SPAST: variants seen among roughly 807,000 people sequenced by gnomAD.
The protein encoded by SPAST is spastin.
Under a neutral mutation model 76.6 loss-of-function variants are expected in SPAST, and 30 were observed. That is an observed-to-expected ratio of 0.39 (90% CI 0.29 to 0.53). SPAST has a LOEUF of 0.53. Among genes scored for constraint, SPAST ranks in the 20% least tolerant of loss-of-function variants. The pLI, the probability that SPAST is intolerant of heterozygous loss-of-function variation, is 0.68. For synonymous variants in SPAST, 305 were observed against 281.0 expected (o/e 1.09, Z -0.86); for missense variants, 717 against 770.5 (o/e 0.93, Z 0.82).
chr2:32,136,734 A>T, intron 10 of SPAST, 96 bp downstream of exon 10: 1 of 1,307,584 alleles, frequency 7.6e-7, no homozygotes, highest in Non-Finnish European at 1.1e-6. Context: ...CAGAAGGAAG[A>T]AGTTTTAAAG....
intron 12 of SPAST, among the ~76,000 whole-genome samples, chr2:32,140,489 TCACACAC>T (rs1679680224): frequency 6.6e-6 from 1 of 151,940 alleles, no homozygotes; most frequent in Admixed American, 6.6e-5. Context: ...CTGGGTGTGG[TCACACAC>T]ACCTGTAATC....
chr2:32,142,718 C>T (rs1558340446), intron 13 of SPAST, among the ~76,000 whole-genome samples: 2 of 151,896 alleles, frequency 1.3e-5, no homozygotes, highest in South Asian at 2.1e-4. Flanking sequence ...TTTCTAGAAA[C>T]GTAAAGCAGA....
chr2:32,103,627 C>G (rs1678208262), intron 4 of SPAST, among the ~76,000 whole-genome samples: 1 of 152,096 alleles, frequency 6.6e-6, no homozygotes, highest in Non-Finnish European at 1.5e-5. Context: ...TCCCTCTACA[C>G]ACTACTTTAA....
At chr2:32,083,741 T>G (rs6751221) in intron 1 of SPAST, among the ~76,000 whole-genome samples, 1 of 57,142 alleles carries the variant, frequency 1.8e-5, no homozygotes, top group African/African-American at 7.0e-5. Context: ...CTATATATAT[T>G]TATATATACT....
chr2:32,073,235 G>T (rs1351011808), intron 1 of SPAST, among the ~76,000 whole-genome samples: 1 of 152,182 alleles, frequency 6.6e-6, no homozygotes, highest in Non-Finnish European at 1.5e-5. Flanking sequence ...GTTTCGCTGT[G>T]TTGGCCAGGT....
chr2:32,117,841 A>G (rs1358449990), intron 7 of SPAST, among the ~76,000 whole-genome samples: 2 of 152,118 alleles, frequency 1.3e-5, no homozygotes, highest in East Asian at 1.9e-4. Flanking sequence ...ATGAAGAACA[A>G]TTTTTAAAAG....
chr2:32,083,999 C>T (rs930626663), intron 1 of SPAST, among the ~76,000 whole-genome samples: 1 of 149,906 alleles, frequency 6.7e-6, no homozygotes, highest in South Asian at 2.1e-4. Context: ...GGCTGGTCTT[C>T]AACTCCTGAC....
At chr2:32,132,688 G>A (rs373966424) in intron 9 of SPAST, among the ~76,000 whole-genome samples, 14 of 152,048 alleles carry the variant, frequency 9.2e-5, no homozygotes, top group African/African-American at 3.4e-4. Flanking sequence ...TTTTACCTCA[G>A]ATGTGACCTG....
At chr2:32,150,185 G>T (rs1338491860) in intron 16 of SPAST, among the ~76,000 whole-genome samples, 1 of 147,396 alleles carries the variant, frequency 6.8e-6, no homozygotes, top group Non-Finnish European at 1.5e-5. Context: ...TGATTCTCCT[G>T]CCTCAGCCTC....
intron 4 of SPAST, among the ~76,000 whole-genome samples, chr2:32,111,275 GTATA>G (rs879901935): frequency 2.0e-4 from 20 of 100,684 alleles, no homozygotes; most frequent in Non-Finnish European, 2.8e-4. Flanking sequence ...TATATATACA[GTATA>G]CTATATAGTG....
Position 32,154,685 on chromosome 2 carries a change from T to A in SPAST, c.*189T>A. The A allele has an allele frequency of 1.6e-6, 1 of 623,966 alleles. No individual in the cohort carries two copies. The highest frequency in any genetic ancestry group is 2.7e-6 in the Non-Finnish European group (1 of 363,656). The allele number at this position is 623,966 out of a possible 1,614,324, so 38.7% of individuals were successfully genotyped here. On this transcript the variant is annotated 3_prime_UTR_variant, in exon 17 of 17. Coordinates refer to ENST00000315285, the MANE Select transcript of SPAST (RefSeq NM_014946.4). ...CAAAATATACAATGCAAATGTAATT[T>A]TTTGTTGTTTAAGGCCTTGCCTTGA... is the stretch of plus-strand genomic sequence containing the variant.
intron 12 of SPAST, among the ~76,000 whole-genome samples, chr2:32,138,342 CAA>C (rs1470331423): frequency 6.6e-6 from 1 of 152,146 alleles, no homozygotes; most frequent in African/African-American, 2.4e-5. Context: ...AATCTGTAGA[CAA>C]TATGGGATTT....
At chr2:32,080,603 T>A (rs1478023828) in intron 1 of SPAST, among the ~76,000 whole-genome samples, 1 of 147,302 alleles carries the variant, frequency 6.8e-6, no homozygotes, top group East Asian at 2.0e-4. Flanking sequence ...TGGGAGCTAA[T>A]GTTAAAGGAT....
intron 1 of SPAST, among the ~76,000 whole-genome samples, chr2:32,081,445 T>C (rs987795913): frequency 6.6e-6 from 1 of 152,186 alleles, no homozygotes; most frequent in Admixed American, 6.6e-5. Context: ...CAAAATCTTT[T>C]GCCACAGCTT....
intron 7 of SPAST, among the ~76,000 whole-genome samples, chr2:32,121,407 C>T (rs1679013649): frequency 6.6e-6 from 1 of 152,128 alleles, no homozygotes; most frequent in Non-Finnish European, 1.5e-5. Flanking sequence ...TCCCAAAGTG[C>T]TGGGATTAGA....
intron 9 of SPAST, 72 bp downstream of exon 9, chr2:32,128,551 G>A: frequency 1.0e-6 from 1 of 977,882 alleles, no homozygotes; most frequent in Non-Finnish European, 1.6e-6. Flanking sequence ...ACTGTAAATG[G>A]TAATATTTCA....
Position 32,154,235 on chromosome 2 carries a change from CAT to C in SPAST, c.1729-137_1729-136del, listed in dbSNP as rs548191170. 5.4e-3 allele frequency: 3,805 copies of C among 700,106 alleles called. 32 individuals are homozygous for C. Among genetic ancestry groups the C allele is most frequent in the Non-Finnish European group, 5.0e-3 (2,077 of 414,656 alleles). The allele number at this position is 700,106 out of a possible 1,614,324, so 43.4% of individuals were successfully genotyped here. Reference sequence around the variant, plus strand: ...ATAGAAAATATATTTAAATGGCTGACATAATTTTCTAAGAATACATACACGTA... The same window carrying C: ...ATAGAAAATATATTTAAATGGCTGACAATTTTCTAAGAATACATACACGTA... On this transcript the variant is annotated intron_variant, in intron 16 of 16. Coordinates refer to ENST00000315285, the MANE Select transcript of SPAST (RefSeq NM_014946.4).
intron 3 of SPAST, among the ~76,000 whole-genome samples, chr2:32,091,391 G>A (rs890840076): frequency 2.0e-5 from 3 of 150,352 alleles, no homozygotes; most frequent in Non-Finnish European, 3.0e-5. Flanking sequence ...AACTATTCTC[G>A]TGATTCAGTC....
chr2:32,150,289 A>G (rs1427962107), intron 16 of SPAST, among the ~76,000 whole-genome samples: 2 of 124,894 alleles, frequency 1.6e-5, no homozygotes, highest in Non-Finnish European at 3.2e-5. Context: ...ACAGAGTTTC[A>G]CCATGTTGGC....
Sources: gnomAD v4.1 joint callset for allele counts (sites outside exome capture counted in the v4.1 genomes callset) on GRCh38, gnomAD v4.1.1 for gene constraint, MANE v1.5 for transcripts, NCBI Gene and HGNC (gene_info 2026-07-23, HGNC 2026-07-21) for gene names.